ADRA2A: variants seen among roughly 807,000 people sequenced by gnomAD.
The protein encoded by ADRA2A is adrenoceptor alpha 2A.
ADRA2A carries 6 observed loss-of-function variants against 5.9 expected under a neutral mutation model. The observed-to-expected ratio is 1.01, with a 90% CI of 0.55 to 2.00. ADRA2A has a LOEUF of 2.00. Ranked by LOEUF, ADRA2A falls within the 30% of genes most tolerant of loss-of-function variation. ADRA2A has a pLI of 0.00. For missense variants in ADRA2A, 647 were observed against 690.0 expected (o/e 0.94, Z 0.70); for synonymous variants, 345 against 325.9 (o/e 1.06, Z -0.63).
rs768064852 is a variant in ADRA2A at position 111,078,294 on chromosome 10, C to T, written c.298C>T (p.Leu100Phe). ...LASADILVAT[L>F]VIPFSLANEV... ...CTCGGCCGACATCCTGGTGGCCACG[C>T]TCGTCATCCCTTTCTCGCTGGCCAA... Residue 100 changes from leucine to phenylalanine, a missense_variant, in exon 1 of 1, where the codon CTC (leucine) becomes TTC (phenylalanine). Around this residue, in one of 3 missense-constraint regions of ADRA2A, gnomAD observed 577 missense variants for 605.4 expected, o/e 0.95. Coordinates refer to ENST00000280155, the MANE Select transcript of ADRA2A (RefSeq NM_000681.4). 7.4e-6 allele frequency: 12 copies of T among 1,613,836 alleles called. No homozygotes were observed. In the Admixed American group the frequency reaches 1.5e-4, roughly 20 times the overall value.
chr10:111,079,362 CTCTG>C lies in ADRA2A; in HGVS notation c.1369_1372del (p.Cys457GlyfsTer20). ...TTTCCGCCGCGCCTTCAAGAAGATCCTCTGTCGGGGGGACAGGAAGCGGATCGTG... is the reference window on the plus strand; with the variant it reads ...TTTCCGCCGCGCCTTCAAGAAGATCCTCGGGGGGACAGGAAGCGGATCGTG... On this transcript the variant is annotated frameshift_variant, in exon 1 of 1. Coordinates refer to ENST00000280155, the MANE Select transcript of ADRA2A (RefSeq NM_000681.4). LOFTEE classifies it high-confidence loss of function. 1.9e-6 allele frequency: 3 copies of C among 1,614,124 alleles called. No homozygotes were observed. The highest frequency in any genetic ancestry group is 2.5e-6 in the Non-Finnish European group (3 of 1,180,038).
Position 111,077,915 on chromosome 10 carries a change from G to T in ADRA2A, c.-82G>T. ...TGTGAGCCGCAGCCAGGCGAGCGGG[G>T]CGCCGGAGGAAGAGGAGGACCCACG... On this transcript the variant is annotated 5_prime_UTR_variant, in exon 1 of 1. Transcript: ENST00000280155. The T allele has an allele frequency of 7.6e-7, 1 of 1,321,300 alleles. No homozygotes were observed. The highest frequency in any genetic ancestry group is 2.3e-5 in the South Asian group (1 of 43,066). The allele number at this position is 1,321,300 out of a possible 1,614,324, so 81.8% of individuals were successfully genotyped here. A position where few individuals can be genotyped will look rare whatever the true frequency, so the allele number is the denominator to read the frequency against.
Position 111,078,291 on chromosome 10 carries a change from A to G in ADRA2A, c.295A>G (p.Thr99Ala), listed in dbSNP as rs748769086. ...GGCCTCGGCCGACATCCTGGTGGCC[A>G]CGCTCGTCATCCCTTTCTCGCTGGC... ...SLASADILVA[T>A]LVIPFSLANE... The change falls in exon 1 of 1, where the codon ACG (threonine) becomes GCG (alanine). Residue 99 changes from threonine (T) to alanine (A), a missense_variant. Around this residue, in one of 3 missense-constraint regions of ADRA2A, gnomAD observed 577 missense variants for 605.4 expected, o/e 0.95. Coordinates refer to ENST00000280155, the MANE Select transcript of ADRA2A (RefSeq NM_000681.4). The G allele has an allele frequency of 1.2e-6, 2 of 1,613,796 alleles. No individual in the cohort carries two copies. The highest frequency in any genetic ancestry group is 8.5e-7 in the Non-Finnish European group (1 of 1,179,994).
At position 111,079,689 on chromosome 10, in the gene ADRA2A, G is replaced by T. The variant is rs891179555; in HGVS notation, c.*295G>T. ...TCCTAAAGGTATTTTCACCCTCTTC[G>T]CCTGGTACAGCCCTCACAGCTCTTC... On this transcript the variant is annotated 3_prime_UTR_variant, in exon 1 of 1. Transcript: ENST00000280155. 2.6e-5 allele frequency: 13 copies of T among 496,074 alleles called. No individual in the cohort carries two copies. Among genetic ancestry groups the T allele is most frequent in the Non-Finnish European group, 4.9e-5 (13 of 266,444 alleles). 30.7% of individuals were successfully genotyped at this position (496,074 alleles called of 1,614,324 possible).
Position 111,079,476 on chromosome 10 carries a change from A to G in ADRA2A, c.*82A>G. The G allele has an allele frequency of 1.4e-6, 2 of 1,479,352 alleles. No homozygotes were observed. Among genetic ancestry groups the G allele is most frequent in the South Asian group, 1.2e-5 (1 of 82,442 alleles). 91.6% of individuals were successfully genotyped at this position (1,479,352 alleles called of 1,614,324 possible). On this transcript the variant is annotated 3_prime_UTR_variant, in exon 1 of 1. Transcript: ENST00000280155. Reference sequence around the variant, plus strand: ...AGGGGTGCTTAGCCCCAGGGCACTCAGAAACCCGGGCGCTGCCTGCTCTGC... The same window carrying G: ...AGGGGTGCTTAGCCCCAGGGCACTCGGAAACCCGGGCGCTGCCTGCTCTGC...
In ADRA2A at chr10:111,079,311, GT is replaced by G. The variant is rs778879945; in HGVS notation, c.1316del (p.Val439AlafsTer39). 6.2e-7 allele frequency: 1 copy of G among 1,614,106 alleles called. No individual in the cohort carries two copies. Among genetic ancestry groups the G allele is most frequent in the Non-Finnish European group, 8.5e-7 (1 of 1,180,028 alleles). ...FGYCNSSLNP[V>X]IYTIFNHDFR... The stretch of plus-strand genomic sequence containing the variant: ...CTACTGCAACAGCTCGTTGAACCCG[GT>G]CATCTACACCATCTTCAACCACGAT... On this transcript the variant is annotated frameshift_variant, in exon 1 of 1. Transcript: ENST00000280155. LOFTEE classifies it high-confidence loss of function.
Position 111,079,405 on chromosome 10 carries a change from G to A in ADRA2A, c.*11G>A. On this transcript the variant is annotated 3_prime_UTR_variant, in exon 1 of 1. Transcript: ENST00000280155. ...AAGCGGATCGTGTGAGGTTTCCGCT[G>A]GCGCCCGCGTAGACTCACGCTGACT... 3.7e-6 allele frequency: 6 copies of A among 1,613,350 alleles called. No individual in the cohort carries two copies. The highest frequency in any genetic ancestry group is 5.1e-6 in the Non-Finnish European group (6 of 1,179,816).
At position 111,079,516 on chromosome 10, in the gene ADRA2A, G is replaced by C. The variant is rs1039592811; in HGVS notation, c.*122G>C. On this transcript the variant is annotated 3_prime_UTR_variant, in exon 1 of 1. Coordinates refer to ENST00000280155, the MANE Select transcript of ADRA2A (RefSeq NM_000681.4). Reference sequence around the variant, plus strand: ...GCCTGCTCTGCGTTTCCTCGTCTGGGGTGGCTCTGCAGCCTCCTGCGGGCG... The same window carrying C: ...GCCTGCTCTGCGTTTCCTCGTCTGGCGTGGCTCTGCAGCCTCCTGCGGGCG... 2.6e-6 allele frequency: 3 copies of C among 1,143,778 alleles called. No homozygotes were observed. Among genetic ancestry groups the C allele is most frequent in the Admixed American group, 4.4e-5 (2 of 45,414 alleles). The allele number at this position is 1,143,778 out of a possible 1,614,324, so 70.9% of individuals were successfully genotyped here.
At position 111,077,716 on chromosome 10, in the gene ADRA2A, C is replaced by T. The variant is rs1843546176; in HGVS notation, c.-281C>T. The stretch of plus-strand genomic sequence containing the variant: ...AAATCTCTCTTTACCCATCGGCTCT[C>T]CCTACTCTCTCCCGCCGCTTAGAAA... On this transcript the variant is annotated 5_prime_UTR_variant, in exon 1 of 1. Coordinates refer to ENST00000280155, the MANE Select transcript of ADRA2A (RefSeq NM_000681.4). 1 of 232,154 alleles carries T rather than the reference C, an allele frequency of 4.3e-6. No individual in the cohort carries two copies. The highest frequency in any genetic ancestry group is 5.8e-5 in the Admixed American group (1 of 17,170). The allele number at this position is 232,154 out of a possible 1,614,324, so 14.4% of individuals were successfully genotyped here. A position where few individuals can be genotyped will look rare whatever the true frequency, so the allele number is the denominator to read the frequency against.
Position 111,080,127 on chromosome 10 carries a change from C to A in ADRA2A, c.*733C>A, listed in dbSNP as rs757871174. 1 of 167,082 alleles carries A rather than the reference C, an allele frequency of 6.0e-6. No homozygotes were observed. Among genetic ancestry groups the A allele is most frequent in the Non-Finnish European group, 1.5e-5 (1 of 68,132 alleles). 10.3% of individuals were successfully genotyped at this position (167,082 alleles called of 1,614,324 possible). ...TCCTGACAGGGAAAAGATTTCTGTC[C>A]ATTTTTTTCCTGTGCCTAACAGCAT... On this transcript the variant is annotated 3_prime_UTR_variant, in exon 1 of 1. Transcript: ENST00000280155.
In ADRA2A at chr10:111,079,330, A is replaced by C; in HGVS notation, c.1334A>C (p.Asn445Thr). The change falls in exon 1 of 1, where the codon AAC (asparagine) becomes ACC (threonine). Residue 445 changes from asparagine to threonine, a missense_variant. Coordinates refer to ENST00000280155, the MANE Select transcript of ADRA2A (RefSeq NM_000681.4). ...AACCCGGTCATCTACACCATCTTCA[A>C]CCACGATTTCCGCCGCGCCTTCAAG... ...SLNPVIYTIFNHDFRRAFKKI... is the reference protein window; with the variant it reads ...SLNPVIYTIFTHDFRRAFKKI... 1 of 1,614,066 alleles carries C rather than the reference A, an allele frequency of 6.2e-7. No individual in the cohort carries two copies. The highest frequency in any genetic ancestry group is 8.5e-7 in the Non-Finnish European group (1 of 1,180,008).
Position 111,078,049 on chromosome 10 carries a change from C to T in ADRA2A, c.53C>T (p.Ser18Phe), listed in dbSNP as rs1445294584. 2.0e-6 allele frequency: 3 copies of T among 1,524,280 alleles called. No individual in the cohort carries two copies. In the African/African-American group the frequency reaches 4.2e-5, roughly 21 times the overall value. The allele number at this position is 1,524,280 out of a possible 1,614,324, so 94.4% of individuals were successfully genotyped here. A position where few individuals can be genotyped will look rare whatever the true frequency, so the allele number is the denominator to read the frequency against. ...GAGGGCAGCTTTGCGCCCATGGGCT[C>T]CCTGCAGCCGGACGCGGGCAACGCG... ...LAEGSFAPMG[S>F]LQPDAGNASW... The change falls in exon 1 of 1, where the codon TCC becomes TTC. Residue 18 changes from serine to phenylalanine, a missense_variant. Physicochemically the swap from Ser to Phe is radical, Grantham distance 155 (BLOSUM62 -2). Transcript: ENST00000280155.
In ADRA2A at chr10:111,079,006, G is replaced by A. The variant is rs1227214850; in HGVS notation, c.1010G>A (p.Arg337Gln). The change falls in exon 1 of 1, where the codon CGA becomes CAA. Residue 337 changes from arginine (R) to glutamine (Q), a missense_variant. This residue lies in a region of ADRA2A where 577 missense variants were observed against 605.4 expected (regional missense o/e 0.95). Coordinates refer to ENST00000280155, the MANE Select transcript of ADRA2A (RefSeq NM_000681.4). ...GGTCCCCGGGGCAAAGGCAAGGCCC[G>A]AGCGAGCCAGGTGAAGCCGGGCGAC... ...ERGPRGKGKA[R>Q]ASQVKPGDSL... 2.4e-6 allele frequency: 3 copies of A among 1,249,470 alleles called. No individual in the cohort carries two copies. Among genetic ancestry groups the A allele is most frequent in the East Asian group, 3.4e-5 (1 of 29,292 alleles). 77.4% of individuals were successfully genotyped at this position (1,249,470 alleles called of 1,614,324 possible).
chr10:111,077,407 C>CCCGGG lies in ADRA2A; in HGVS notation c.-577_-573dup, dbSNP rs1447587254. 3.5e-4 allele frequency: 53 copies of CCCGGG among 152,310 alleles called. No individual in the cohort carries two copies. Among genetic ancestry groups the CCCGGG allele is most frequent in the Admixed American group, 3.3e-3 (51 of 15,288 alleles). The allele number at this position is 152,310 out of a possible 1,614,324, so 9.4% of individuals were successfully genotyped here. A position where few individuals can be genotyped will look rare whatever the true frequency, so the allele number is the denominator to read the frequency against. On this transcript the variant is annotated 5_prime_UTR_variant, in exon 1 of 1. The change creates a premature stop within an existing upstream ORF in the 5' untranslated region. Coordinates refer to ENST00000280155, the MANE Select transcript of ADRA2A (RefSeq NM_000681.4). ...GAGGCGGCAGAGTCCGCGCCCCAGC[C>CCCGGG]CCGGGCCGGGCCGGGCCAGAACCGC...
Position 111,078,220 on chromosome 10 carries a change from C to A in ADRA2A, c.224C>A (p.Thr75Lys). 5.0e-6 allele frequency: 8 copies of A among 1,613,498 alleles called. No individual in the cohort carries two copies. Among genetic ancestry groups the A allele is most frequent in the Non-Finnish European group, 5.9e-6 (7 of 1,179,948 alleles). Residue 75 changes from threonine to lysine, a missense_variant, in exon 1 of 1, where the codon ACG becomes AAG. Thr to Lys is a moderately conservative substitution (Grantham distance 78). Coordinates refer to ENST00000280155, the MANE Select transcript of ADRA2A (RefSeq NM_000681.4). Reference sequence around the variant, plus strand: ...GTGCTCGTCATCATCGCCGTGTTCACGAGCCGCGCGCTCAAGGCGCCCCAA... The same window carrying A: ...GTGCTCGTCATCATCGCCGTGTTCAAGAGCCGCGCGCTCAAGGCGCCCCAA... The part of the protein sequence containing the change: ...GNVLVIIAVF[T>K]SRALKAPQNL...
Position 111,079,130 on chromosome 10 carries a change from C to G in ADRA2A, c.1134C>G (p.Arg378=). Residue 378 remains arginine (R), a synonymous_variant, in exon 1 of 1, where the codon CGC becomes CGG. Transcript: ENST00000280155. ...GGGCTGCCAAGGCGTCGCGCTGGCG[C>G]GGGCGGCAGAACCGCGAGAAGCGCT... ...RVGAAKASRW[R]GRQNREKRFT... 1 of 1,599,486 alleles carries G rather than the reference C, an allele frequency of 6.3e-7. No homozygotes were observed. Among genetic ancestry groups the G allele is most frequent in the South Asian group, 1.1e-5 (1 of 90,286 alleles).
rs34303217 is a variant in ADRA2A, at chr10:111,079,524, T to A, written c.*130T>A. 1,759 of 988,308 alleles carry A rather than the reference T, an allele frequency of 1.8e-3. 18 individuals are homozygous for A. In the African/African-American group the frequency reaches 0.026, roughly 14 times the overall value. The allele number at this position is 988,308 out of a possible 1,614,324, so 61.2% of individuals were successfully genotyped here. On this transcript the variant is annotated 3_prime_UTR_variant, in exon 1 of 1. Transcript: ENST00000280155. ...TGCGTTTCCTCGTCTGGGGTGGCTC[T>A]GCAGCCTCCTGCGGGCGGGCGTCTG...
Position 111,078,490 on chromosome 10 carries a change from T to A in ADRA2A, c.494T>A (p.Ile165Asn). Residue 165 changes from isoleucine (I) to asparagine (N), a missense_variant, in exon 1 of 1, where the codon ATC (isoleucine) becomes AAC (asparagine). Coordinates refer to ENST00000280155, the MANE Select transcript of ADRA2A (RefSeq NM_000681.4). ...AACCTGAAGCGCACGCCGCGCCGCA[T>A]CAAGGCCATCATCATCACCGTGTGG... The part of the protein sequence containing the change: ...EYNLKRTPRR[I>N]KAIIITVWVI... 1 of 1,612,624 alleles carries A rather than the reference T, an allele frequency of 6.2e-7. No homozygotes were observed. Among genetic ancestry groups the A allele is most frequent in the Admixed American group, 1.7e-5 (1 of 59,962 alleles).
At position 111,079,315 on chromosome 10, in the gene ADRA2A, T is replaced by C; in HGVS notation, c.1319T>C (p.Ile440Thr). 6.2e-7 allele frequency: 1 copy of C among 1,614,128 alleles called. No homozygotes were observed. Among genetic ancestry groups the C allele is most frequent in the South Asian group, 1.1e-5 (1 of 91,088 alleles). Reference protein sequence around the residue: ...GYCNSSLNPVIYTIFNHDFRR... With the variant: ...GYCNSSLNPVTYTIFNHDFRR... ...TGCAACAGCTCGTTGAACCCGGTCA[T>C]CTACACCATCTTCAACCACGATTTC... The change falls in exon 1 of 1, where the codon ATC becomes ACC. Residue 440 changes from isoleucine (I) to threonine (T), a missense_variant. This residue lies in a region of ADRA2A where 62 missense variants were observed against 59.8 expected (regional missense o/e 1.04). Transcript: ENST00000280155.
Sources: gnomAD v4.1 joint callset for allele counts on GRCh38, gnomAD v4.1.1 for gene constraint, gnomAD v4.1.1 regional missense constraint, MANE v1.5 for transcripts, NCBI Gene and HGNC (gene_info 2026-07-23, HGNC 2026-07-21) for gene names.